The following TRPC4AP variants were observed in gnomAD, a reference collection of about 807,000 sequenced individuals.
TRPC4AP encodes the protein short transient receptor potential channel 4-associated protein.
In TRPC4AP, 45 loss-of-function variants were observed where a neutral mutation model predicts 99.0. The observed-to-expected ratio is 0.45, with a 90% CI of 0.36 to 0.58. The LOEUF is 0.58. TRPC4AP is among the 20% of genes least tolerant of loss of function. The probability of loss-of-function intolerance (pLI) is 0.00; values close to 1 mark genes in which losing one functional copy is unlikely to be tolerated. For synonymous variants in TRPC4AP, 408 were observed against 385.8 expected (o/e 1.06, Z -0.67); for missense variants, 879 against 985.3 (o/e 0.89, Z 1.44).
At chr20:35,039,270 G>C (rs973180705) in intron 7 of TRPC4AP, among the ~76,000 whole-genome samples, 2 of 152,176 alleles carry the variant, frequency 1.3e-5, no homozygotes, top group African/African-American at 4.8e-5. Flanking sequence ...CACTCCTCCA[G>C]ATGGGAAGTG....
At chr20:35,090,113 AG>A (rs1247059238) in intron 1 of TRPC4AP, among the ~76,000 whole-genome samples, 1 of 142,800 alleles carries the variant, frequency 7.0e-6, no homozygotes, top group Non-Finnish European at 1.5e-5. Context: ...AAAAAAAAAA[AG>A]GGTAAGCAAA....
At chr20:35,012,334 C>T (rs934291899) in intron 11 of TRPC4AP, among the ~76,000 whole-genome samples, 1 of 152,210 alleles carries the variant, frequency 6.6e-6, no homozygotes, top group African/African-American at 2.4e-5. Flanking sequence ...TCTGCCTTTG[C>T]TTGGCAGAAA....
intron 9 of TRPC4AP, among the ~76,000 whole-genome samples, chr20:35,018,664 T>C (rs1021143014): frequency 6.6e-6 from 1 of 151,408 alleles, no homozygotes; most frequent in African/African-American, 2.4e-5. Flanking sequence ...TGTGTAAAAT[T>C]TGTAAAACAA....
At chr20:35,060,985 A>G (rs1327070106) in intron 3 of TRPC4AP, among the ~76,000 whole-genome samples, 1 of 152,170 alleles carries the variant, frequency 6.6e-6, no homozygotes, top group East Asian at 1.9e-4. Context: ...GAGTGTTCTA[A>G]GGCAACTAGA....
At chr20:35,019,370 C>T (rs1471463488) in intron 9 of TRPC4AP, among the ~76,000 whole-genome samples, 1 of 152,160 alleles carries the variant, frequency 6.6e-6, no homozygotes, top group South Asian at 2.1e-4. Context: ...CGCAACAACT[C>T]ATAGCAACCT....
In TRPC4AP at chr20:35,021,175, T is replaced by C; in HGVS notation, c.1218+15A>G. The C allele has an allele frequency of 6.2e-7, 1 of 1,606,868 alleles. No individual in the cohort carries two copies. Among genetic ancestry groups the C allele is most frequent in the South Asian group, 1.1e-5 (1 of 90,926 alleles). On this transcript the variant is annotated intron_variant, in intron 9 of 18. Coordinates refer to ENST00000252015, the MANE Select transcript of TRPC4AP (RefSeq NM_015638.3). The stretch of plus-strand genomic sequence containing the variant: ...ACCTGCTCCCCGTGTCCTGAGACGC[T>C]GGAGAGGGGCCCACCTGGTTTCGCT...
At chr20:35,016,526 G>T (rs765187425) in intron 9 of TRPC4AP, among the ~76,000 whole-genome samples, 2 of 151,880 alleles carry the variant, frequency 1.3e-5, no homozygotes, top group African/African-American at 2.4e-5. Flanking sequence ...TTGTCTCCTC[G>T]TATTAACATC....
intron 2 of TRPC4AP, among the ~76,000 whole-genome samples, chr20:35,071,906 T>G (rs906233307): frequency 5.9e-5 from 9 of 152,180 alleles, no homozygotes; most frequent in Admixed American, 5.9e-4. Context: ...CACCAACAGT[T>G]TAAAAGTGTT....
chr20:35,021,979 GA>G (rs2082900826), intron 8 of TRPC4AP, among the ~76,000 whole-genome samples: 1 of 152,192 alleles, frequency 6.6e-6, no homozygotes, highest in Non-Finnish European at 1.5e-5. Context: ...GCAGCTAAGT[GA>G]TATTTATGGG....
At chr20:35,031,724 A>C (rs139747041) in intron 8 of TRPC4AP, among the ~76,000 whole-genome samples, 37 of 152,132 alleles carry the variant, frequency 2.4e-4, no homozygotes, top group African/African-American at 8.9e-4. Context: ...TGGTGTGCTT[A>C]ATAGTGCCCC....
chr20:35,048,723 G>C (rs73095192), intron 6 of TRPC4AP, among the ~76,000 whole-genome samples: 2,725 of 152,342 alleles, frequency 0.018, 35 homozygotes, highest in Non-Finnish European at 0.024. Context: ...TGAGAGGCAA[G>C]TGGGAAAAGT....
rs2083514505 is a variant in TRPC4AP, at chr20:35,044,508, G to C, written c.862C>G (p.Gln288Glu). ...TCTGAGAACTTGGAGACTTTACCTT[G>C]ATTGATTTCAGCTGCAGAAGGCCCC... ...SLGPSAAEINQAALLSIPGFV... is the reference protein window; with the variant it reads ...SLGPSAAEINEAALLSIPGFV... The change falls in exon 7 of 19, where the codon CAA becomes GAA. Residue 288 changes from glutamine (Q) to glutamate (E), a missense_variant. Physicochemically the swap from Gln to Glu is conservative, Grantham distance 29. Transcript: ENST00000252015. The C allele has an allele frequency of 5.6e-6, 9 of 1,613,584 alleles. 1 individual carries two copies. The highest frequency in any genetic ancestry group is 5.0e-5 in the Admixed American group (3 of 59,988).
chr20:35,078,497 T>C (rs1341987975), intron 1 of TRPC4AP, among the ~76,000 whole-genome samples: 1 of 152,186 alleles, frequency 6.6e-6, no homozygotes, highest in Admixed American at 6.6e-5. Flanking sequence ...AGAAGAATAA[T>C]TGATATGCTA....
At chr20:35,003,677 A>C (rs1600490384) in intron 17 of TRPC4AP, 61 bp from the exon 18 acceptor site, 1 of 1,543,354 alleles carries the variant, frequency 6.5e-7, no homozygotes. Context: ...CCCCTGGTGA[A>C]CCTGGGTAGC....
intron 3 of TRPC4AP, among the ~76,000 whole-genome samples, chr20:35,064,054 A>T (rs1031818029): frequency 2.6e-5 from 4 of 152,262 alleles, no homozygotes; most frequent in Non-Finnish European, 1.5e-5. Context: ...TTTTAAAATG[A>T]GAAAAATTAG....
chr20:35,047,132 G>A (rs2083577134), intron 6 of TRPC4AP, among the ~76,000 whole-genome samples: 1 of 152,128 alleles, frequency 6.6e-6, no homozygotes. Flanking sequence ...CAAAGTGCTG[G>A]GATTACAGGC....
intron 2 of TRPC4AP, among the ~76,000 whole-genome samples, chr20:35,076,528 A>G (rs2084485541): frequency 6.6e-6 from 1 of 152,122 alleles, no homozygotes; most frequent in Admixed American, 6.5e-5. Context: ...CTGGAGGTCC[A>G]CTCCAGACCC....
chr20:35,046,398 T>C (rs944937499), intron 6 of TRPC4AP, among the ~76,000 whole-genome samples: 2 of 152,208 alleles, frequency 1.3e-5, no homozygotes, highest in African/African-American at 4.8e-5. Context: ...CTATCCTTCA[T>C]CCCACTAATT....
intron 15 of TRPC4AP, 85 bp downstream of exon 15, chr20:35,006,350 C>G: frequency 1.3e-6 from 2 of 1,532,478 alleles, no homozygotes; most frequent in Non-Finnish European, 1.8e-6. Context: ...AACGTAAAAC[C>G]TGTGCCTAAA....
Sources: allele counts gnomAD v4.1 joint callset (sites outside exome capture counted in the v4.1 genomes callset), GRCh38; gene constraint gnomAD v4.1.1; transcripts MANE v1.5; gene names NCBI Gene and HGNC (gene_info 2026-07-23, HGNC 2026-07-21).